The following CEMIP variants were observed in gnomAD, a reference collection of about 807,000 sequenced individuals.
CEMIP encodes cell migration-inducing and hyaluronan-binding protein.
A neutral mutation model predicts 156.9 loss-of-function variants in CEMIP; 105 were observed. That is an observed-to-expected ratio of 0.67 (90% CI 0.57 to 0.79). The LOEUF (loss-of-function observed/expected upper bound fraction) is 0.79. Among genes scored for constraint, CEMIP ranks in the 30% least tolerant of loss-of-function variants. The pLI, the probability that CEMIP is intolerant of heterozygous loss-of-function variation, is 0.00. For synonymous variants in CEMIP, 676 were observed against 668.4 expected (o/e 1.01, Z -0.17); for missense variants, 1,457 against 1,769.4 (o/e 0.82, Z 3.17).
intron 1 of CEMIP, among the ~76,000 whole-genome samples, chr15:80,850,182 G>A (rs1034519244): frequency 2.0e-5 from 3 of 152,160 alleles, no homozygotes; most frequent in African/African-American, 4.8e-5. Flanking sequence ...AGGAGGGGTC[G>A]GAGAGGTGTC....
intron 1 of CEMIP, among the ~76,000 whole-genome samples, chr15:80,802,766 G>T (rs187349300): frequency 2.4e-4 from 36 of 152,286 alleles, no homozygotes; most frequent in Admixed American, 2.0e-3. Flanking sequence ...GAGGTCCTGG[G>T]TTCAAGATTC....
chr15:80,888,644 C>T, intron 8 of CEMIP, 57 bp from the exon 9 acceptor site: 1 of 1,507,304 alleles, frequency 6.6e-7, no homozygotes, highest in South Asian at 1.1e-5. Flanking sequence ...CTTGGAGTCA[C>T]AACTTTTTGA....
chr15:80,871,369 A>G (rs1898285698), intron 1 of CEMIP, among the ~76,000 whole-genome samples: 1 of 152,194 alleles, frequency 6.6e-6, no homozygotes, highest in South Asian at 2.1e-4. Flanking sequence ...AAGGGGGTTG[A>G]GCATTATTCC....
At chr15:80,871,257 G>A (rs531555166) in intron 1 of CEMIP, among the ~76,000 whole-genome samples, 1 of 152,288 alleles carries the variant, frequency 6.6e-6, no homozygotes, top group Non-Finnish European at 1.5e-5. Flanking sequence ...CCCTTGCTCA[G>A]CAATGTGGGA....
intron 1 of CEMIP, among the ~76,000 whole-genome samples, chr15:80,807,143 G>A (rs760154650): frequency 2.6e-5 from 4 of 152,080 alleles, no homozygotes; most frequent in Admixed American, 2.6e-4. Flanking sequence ...GGGACTAGAC[G>A]TAGGATAGGT....
chr15:80,879,180 G>C (rs1343185685), intron 4 of CEMIP, among the ~76,000 whole-genome samples: 2 of 152,172 alleles, frequency 1.3e-5, no homozygotes, highest in African/African-American at 4.8e-5. Context: ...GACCAGACAG[G>C]CATTATTTAC....
intron 9 of CEMIP, 101 bp from the exon 10 acceptor site, chr15:80,889,370 T>C: frequency 6.5e-7 from 1 of 1,532,030 alleles, no homozygotes. Flanking sequence ...ACAGATAATA[T>C]TCAGTTCCCA....
intron 28 of CEMIP, among the ~76,000 whole-genome samples, chr15:80,945,890 C>T (rs1386188101): frequency 6.6e-6 from 1 of 152,226 alleles, no homozygotes; most frequent in Non-Finnish European, 1.5e-5. Flanking sequence ...CACCCCGAGG[C>T]AGGGGATAGA....
intron 7 of CEMIP, 67 bp from the exon 8 acceptor site, chr15:80,887,627 C>T: frequency 7.8e-7 from 1 of 1,275,906 alleles, no homozygotes. Flanking sequence ...GCCCCATCCC[C>T]CCACACTCTG....
Position 80,909,294 on chromosome 15 carries a change from C to T in CEMIP, c.1785C>T (p.Ser595=). 6.2e-7 allele frequency: 1 copy of T among 1,614,010 alleles called. No homozygotes were observed. The highest frequency in any genetic ancestry group is 8.5e-7 in the Non-Finnish European group (1 of 1,179,980). The part of the protein sequence containing the change: ...TFSRCVTVHG[S]NGLLIKDVVG... ...CTCGCTGCGTCACAGTCCATGGCTC[C>T]AATGGCTTGTTGGTAAGAACCTCCT... Residue 595 remains serine, a synonymous_variant, in exon 14 of 30, where the codon TCC becomes TCT. Transcript: ENST00000394685.
chr15:80,812,081 G>A (rs1385084), intron 1 of CEMIP, among the ~76,000 whole-genome samples: 152,116 of 152,300 alleles, frequency 1, 75,968 homozygotes, highest in Non-Finnish European at 1. Context: ...CACCAGCATC[G>A]TAGCACACTA....
At chr15:80,874,234 C>T (rs1596148945) in intron 3 of CEMIP, among the ~76,000 whole-genome samples, 1 of 152,352 alleles carries the variant, frequency 6.6e-6, no homozygotes, top group East Asian at 1.9e-4. Flanking sequence ...AGGCCCCTGA[C>T]ACAAATGAGT....
intron 1 of CEMIP, among the ~76,000 whole-genome samples, chr15:80,806,568 C>T (rs564531945): frequency 3.3e-5 from 5 of 152,196 alleles, no homozygotes; most frequent in Admixed American, 3.3e-4. Flanking sequence ...GTGTGAAATC[C>T]CACCTGTTTT....
At chr15:80,942,127 G>A in intron 26 of CEMIP, 74 bp downstream of exon 26, 1 of 1,526,584 alleles carries the variant, frequency 6.6e-7, no homozygotes, top group Non-Finnish European at 9.1e-7. Flanking sequence ...GTCCAGTCGG[G>A]CCCAGACCCA....
intron 12 of CEMIP, among the ~76,000 whole-genome samples, chr15:80,898,824 T>C (rs1179584709): frequency 1.3e-5 from 2 of 152,232 alleles, no homozygotes; most frequent in African/African-American, 4.8e-5. Context: ...TGTTGCACAC[T>C]TCCCCCACCC....
In CEMIP at chr15:80,796,335, A is replaced by G. The variant is rs1596094398; in HGVS notation, c.-176+16721A>G. On this transcript the variant is annotated intron_variant, in intron 1 of 29. Coordinates refer to ENST00000394685, the MANE Select transcript of CEMIP (RefSeq NM_001293298.2). ...CTCTTTGTGGATTACACTCAGAACTATAGAGTGCTTAGCAAATGGATGGGG... is the reference window on the plus strand; with the variant it reads ...CTCTTTGTGGATTACACTCAGAACTGTAGAGTGCTTAGCAAATGGATGGGG... Among the ~76,000 whole-genome samples the G allele has an allele frequency of 2.0e-5, 3 of 152,170 alleles. No homozygotes were observed. The South Asian group carries it at 6.2e-4, about 31-fold the overall frequency.
At chr15:80,893,512 C>T (rs1296576438) in intron 10 of CEMIP, among the ~76,000 whole-genome samples, 1 of 152,208 alleles carries the variant, frequency 6.6e-6, no homozygotes, top group Non-Finnish European at 1.5e-5. Context: ...AGTTCTCAAT[C>T]TTACGGGGTC....
At chr15:80,859,058 T>G (rs923827552) in intron 1 of CEMIP, among the ~76,000 whole-genome samples, 5 of 152,216 alleles carry the variant, frequency 3.3e-5, no homozygotes, top group Non-Finnish European at 7.3e-5. Context: ...GATCCAGCTT[T>G]CCCAGTAGTT....
At chr15:80,922,222 T>C in intron 17 of CEMIP, 85 bp downstream of exon 17, 1 of 1,558,516 alleles carries the variant, frequency 6.4e-7, no homozygotes, top group Non-Finnish European at 8.8e-7. Context: ...GGACAGCCAG[T>C]TGGCGACAGC....
Sources: gnomAD v4.1 joint callset for allele counts (sites outside exome capture counted in the v4.1 genomes callset) on GRCh38, gnomAD v4.1.1 for gene constraint, MANE v1.5 for transcripts, NCBI Gene and HGNC (gene_info 2026-07-23, HGNC 2026-07-21) for gene names.